ROBO1: variants seen among roughly 807,000 people sequenced by gnomAD.
ROBO1 encodes roundabout guidance receptor 1.
In ROBO1, 149 loss-of-function variants were observed where a neutral mutation model predicts 195.9. The ratio of observed to expected loss-of-function variants is 0.76; its 90% CI spans 0.67 to 0.87. ROBO1 has a LOEUF of 0.87. ROBO1 is among the 40% of genes least tolerant of loss of function. ROBO1 has a pLI of 0.00. For synonymous variants in ROBO1, 816 were observed against 733.2 expected (o/e 1.11, Z -1.82); for missense variants, 1,933 against 2,068.3 (o/e 0.93, Z 1.27).
At chr3:79,529,059 C>T (rs141846560) in intron 2 of ROBO1, among the ~76,000 whole-genome samples, 9 of 152,278 alleles carry the variant, frequency 5.9e-5, no homozygotes, top group African/African-American at 1.7e-4. Flanking sequence ...AGTTTATAGA[C>T]AATGCCTTGT....
At chr3:78,686,648 C>G (rs1016897944) in intron 9 of ROBO1, among the ~76,000 whole-genome samples, 1 of 151,728 alleles carries the variant, frequency 6.6e-6, no homozygotes, top group Admixed American at 6.6e-5. Flanking sequence ...CTGTATGTGA[C>G]TACTAGGATT....
chr3:79,713,792 A>G (rs1456176031), intron 1 of ROBO1, among the ~76,000 whole-genome samples: 2 of 152,164 alleles, frequency 1.3e-5, no homozygotes, highest in Admixed American at 1.3e-4. Flanking sequence ...GAATAAATCC[A>G]GTTTCAGCTT....
At position 78,662,111 on chromosome 3, in the gene ROBO1, A is replaced by C; in HGVS notation, c.1970T>G (p.Val657Gly). The C allele has an allele frequency of 6.4e-7, 1 of 1,557,544 alleles. No individual in the cohort carries two copies. Among genetic ancestry groups the C allele is most frequent in the Non-Finnish European group, 8.7e-7 (1 of 1,150,054 alleles). The change falls in exon 15 of 31, where the codon GTC becomes GGC. Residue 657 changes from valine (V) to glycine (G), a missense_variant. Transcript: ENST00000464233. ...GTCCACCCCCTGACTTGTTGGTAGG[A>C]CATCTACAACAAGTCAAGAAAACTG... ...QISDPVKTQDVLPTSQGVDHK... is the reference protein window; with the variant it reads ...QISDPVKTQDGLPTSQGVDHK...
intron 23 of ROBO1, among the ~76,000 whole-genome samples, chr3:78,634,840 T>C (rs892931520): frequency 3.3e-5 from 5 of 152,148 alleles, no homozygotes; most frequent in African/African-American, 4.8e-5. Context: ...AAACATAATA[T>C]TAACTTAAAT....
At position 79,662,231 on chromosome 3, in the gene ROBO1, A is replaced by C. The variant is rs539241244; in HGVS notation, c.-50-72270T>G. 3.3e-5 allele frequency among the ~76,000 whole-genome samples: 5 copies of C among 152,236 alleles called. No individual in the cohort carries two copies. In the East Asian group the frequency reaches 7.7e-4, roughly 24 times the overall value. ...CTTCACATTGAAAAACGATCAAAGC[A>C]AGCAGGAAAATGAACTGGCGATCTT... On this transcript the variant is annotated intron_variant, in intron 1 of 30. Coordinates refer to ENST00000464233, the MANE Select transcript of ROBO1 (RefSeq NM_002941.4).
chr3:79,513,525 C>G (rs1575948394), intron 2 of ROBO1, among the ~76,000 whole-genome samples: 1 of 151,340 alleles, frequency 6.6e-6, no homozygotes, highest in Non-Finnish European at 1.5e-5. Flanking sequence ...CTTTCACCTC[C>G]CCCTACACCC....
chr3:79,279,159 A>G (rs1218071402), intron 2 of ROBO1, among the ~76,000 whole-genome samples: 1 of 151,954 alleles, frequency 6.6e-6, no homozygotes, highest in Non-Finnish European at 1.5e-5. Flanking sequence ...CCAGCTACTC[A>G]GGAGGCTGAG....
At chr3:78,609,856 A>T (rs771266160) in intron 28 of ROBO1, among the ~76,000 whole-genome samples, 3 of 152,160 alleles carry the variant, frequency 2.0e-5, no homozygotes, top group African/African-American at 4.8e-5. Context: ...ACATATTTTT[A>T]AAAAATAAAT....
At chr3:79,620,899 G>C (rs551087228) in intron 1 of ROBO1, among the ~76,000 whole-genome samples, 1 of 151,952 alleles carries the variant, frequency 6.6e-6, no homozygotes, top group Admixed American at 6.6e-5. Context: ...CAACTCTCCT[G>C]TCCTACCTGT....
intron 1 of ROBO1, among the ~76,000 whole-genome samples, chr3:79,764,865 C>G (rs1226590734): frequency 6.6e-6 from 1 of 152,046 alleles, no homozygotes; most frequent in African/African-American, 2.4e-5. Flanking sequence ...GGTATTTGTT[C>G]TTTATTTTGT....
chr3:78,613,908 C>A (rs78096088), intron 28 of ROBO1, among the ~76,000 whole-genome samples: 4,342 of 152,220 alleles, frequency 0.029, 86 homozygotes, highest in South Asian at 0.075. Context: ...TCCTCCTCCA[C>A]CCCTTTAGCA....
intron 2 of ROBO1, among the ~76,000 whole-genome samples, chr3:79,189,000 C>A (rs1032382963): frequency 6.6e-6 from 1 of 151,630 alleles, no homozygotes; most frequent in Non-Finnish European, 1.5e-5. Flanking sequence ...CTTCTGTGAA[C>A]CTGAAAGTGC....
chr3:79,462,377 A>C (rs1296473503), intron 2 of ROBO1, among the ~76,000 whole-genome samples: 1 of 152,232 alleles, frequency 6.6e-6, no homozygotes, highest in Non-Finnish European at 1.5e-5. Context: ...CACACTTTCA[A>C]AGGCATGTTG....
intron 1 of ROBO1, among the ~76,000 whole-genome samples, chr3:79,680,114 C>A (rs961724743): frequency 6.6e-6 from 1 of 151,976 alleles, no homozygotes; most frequent in Non-Finnish European, 1.5e-5. Flanking sequence ...GATCACAGAG[C>A]AGCCATTGTA....
intron 28 of ROBO1, among the ~76,000 whole-genome samples, chr3:78,607,862 A>G (rs1366178755): frequency 6.6e-6 from 1 of 152,194 alleles, no homozygotes; most frequent in Non-Finnish European, 1.5e-5. Context: ...AGATATAATC[A>G]GAACCAGGAC....
At chr3:78,721,988 G>T (rs1432643735) in intron 5 of ROBO1, among the ~76,000 whole-genome samples, 1 of 152,060 alleles carries the variant, frequency 6.6e-6, no homozygotes, top group African/African-American at 2.4e-5. Context: ...CCAATTTCAA[G>T]ATGAATGGGA....
At chr3:79,640,479 A>G (rs895507656) in intron 1 of ROBO1, among the ~76,000 whole-genome samples, 1 of 152,090 alleles carries the variant, frequency 6.6e-6, no homozygotes, top group Non-Finnish European at 1.5e-5. Context: ...ATGTGAAAAT[A>G]GACTAATACA....
intron 2 of ROBO1, among the ~76,000 whole-genome samples, chr3:79,235,370 T>C (rs2082388822): frequency 6.6e-6 from 1 of 151,928 alleles, no homozygotes; most frequent in African/African-American, 2.4e-5. Context: ...TAATCATCAT[T>C]ATAATAGTAA....
chr3:79,738,111 G>A (rs935555135), intron 1 of ROBO1, among the ~76,000 whole-genome samples: 10 of 152,060 alleles, frequency 6.6e-5, no homozygotes, highest in African/African-American at 2.4e-4. Flanking sequence ...TTTTCAGAAG[G>A]CTTTCTAAAA....
Sources: allele counts gnomAD v4.1 joint callset (sites outside exome capture counted in the v4.1 genomes callset), GRCh38; gene constraint gnomAD v4.1.1; transcripts MANE v1.5; gene names NCBI Gene and HGNC (gene_info 2026-07-23, HGNC 2026-07-21).